Variants in ARB2A observed in about 807,000 individuals in gnomAD.
ARB2A encodes ARB2 cotranscriptional regulator A.
chr5:93,680,163 G>A, the ARB2A span, among the ~76,000 whole-genome samples: 1 of 152,036 alleles, frequency 6.6e-6, no homozygotes, highest in African/African-American at 2.4e-5. Context: ...GGCCTGGAAC[G>A]AAGAGGAAAA....
chr5:93,744,065 G>A, the ARB2A span, among the ~76,000 whole-genome samples: 1 of 152,102 alleles, frequency 6.6e-6, no homozygotes, highest in Non-Finnish European at 1.5e-5. Context: ...GAAAACATGA[G>A]TTCAAATAGA....
chr5:93,784,227 T>C, the ARB2A span: 1 of 594,624 alleles, frequency 1.7e-6, no homozygotes. Context: ...GGGTTTTCTA[T>C]TATTATTTTA....
chr5:93,642,841 G>A, the ARB2A span, among the ~76,000 whole-genome samples: 1 of 152,050 alleles, frequency 6.6e-6, no homozygotes, highest in South Asian at 2.1e-4. Context: ...TTACAAGGAG[G>A]GATACACAAT....
the ARB2A span, among the ~76,000 whole-genome samples, chr5:94,040,365 T>A: frequency 2.6e-5 from 4 of 151,946 alleles, no homozygotes; most frequent in Non-Finnish European, 4.4e-5. Context: ...TTTTTTTTTT[T>A]AATTATATTT....
At chr5:93,913,269 G>C in the ARB2A span, among the ~76,000 whole-genome samples, 1 of 151,778 alleles carries the variant, frequency 6.6e-6, no homozygotes, top group Non-Finnish European at 1.5e-5. Flanking sequence ...ATTTTCTGTC[G>C]GCCAGGAGAA....
the ARB2A span, among the ~76,000 whole-genome samples, chr5:93,940,953 G>C: frequency 5.3e-5 from 8 of 152,036 alleles, no homozygotes; most frequent in Non-Finnish European, 8.8e-5. Flanking sequence ...TTAAAATAAT[G>C]TTTAATATAA....
At chr5:93,671,719 A>C in the ARB2A span, among the ~76,000 whole-genome samples, 6 of 152,164 alleles carry the variant, frequency 3.9e-5, no homozygotes, top group African/African-American at 1.4e-4. Context: ...GATTGGAAAA[A>C]AAAGTTTGGA....
chr5:93,707,276 G>A, the ARB2A span, among the ~76,000 whole-genome samples: 3 of 152,064 alleles, frequency 2.0e-5, no homozygotes, highest in Non-Finnish European at 4.4e-5. Flanking sequence ...TACTTTTCAC[G>A]ATGTCCAAAA....
At chr5:93,940,677 C>G in the ARB2A span, among the ~76,000 whole-genome samples, 1 of 151,950 alleles carries the variant, frequency 6.6e-6, no homozygotes, top group Admixed American at 6.6e-5. Context: ...CTCTTAAGTT[C>G]ACATGTATGA....
the ARB2A span, among the ~76,000 whole-genome samples, chr5:93,757,761 C>G: frequency 2.0e-5 from 3 of 152,064 alleles, no homozygotes; most frequent in Non-Finnish European, 4.4e-5. Flanking sequence ...CACATCAAAA[C>G]AGAACCTCTT....
the ARB2A span, among the ~76,000 whole-genome samples, chr5:93,857,186 G>A: frequency 6.6e-6 from 1 of 151,874 alleles, no homozygotes; most frequent in Non-Finnish European, 1.5e-5. Flanking sequence ...GTGTCAGTCT[G>A]CCCCTACTGG....
chr5:93,779,090 A>AGTGTGTGTGTGTGTGT, the ARB2A span, among the ~76,000 whole-genome samples: 14 of 143,448 alleles, frequency 9.8e-5, no homozygotes, highest in African/African-American at 3.2e-4. Context: ...GTCATTTCAG[A>AGTGTGTGTGTGTGTGT]GTGTGTGTGT....
the ARB2A span, among the ~76,000 whole-genome samples, chr5:93,628,211 C>T: frequency 1.4e-4 from 21 of 151,870 alleles, no homozygotes; most frequent in Admixed American, 5.2e-4. Flanking sequence ...CCACCACGCC[C>T]GGCTAATTTT....
the ARB2A span, among the ~76,000 whole-genome samples, chr5:93,763,017 C>G: frequency 1.3e-5 from 2 of 150,968 alleles, no homozygotes; most frequent in African/African-American, 4.9e-5. Context: ...ATTTTGTCAC[C>G]AACTGCCCTA....
the ARB2A span, among the ~76,000 whole-genome samples, chr5:94,097,363 C>T: frequency 2.0e-5 from 3 of 152,204 alleles, no homozygotes; most frequent in East Asian, 1.9e-4. Context: ...ACCTAACCAT[C>T]GAAGAACTTC....
the ARB2A span, chr5:93,862,435 CTAAACAGACTTT>C: frequency 6.6e-6 from 1 of 152,122 alleles, no homozygotes; most frequent in East Asian, 1.9e-4. Context: ...GAAAACCTTG[CTAAACAGACTTT>C]TATTCAAGCC....
the ARB2A span, among the ~76,000 whole-genome samples, chr5:94,063,652 C>T: frequency 6.6e-6 from 1 of 152,068 alleles, no homozygotes; most frequent in Admixed American, 6.5e-5. Context: ...AACTAGAGCC[C>T]AAGGAATAGC....
At chr5:94,082,210 A>G in the ARB2A span, among the ~76,000 whole-genome samples, 1 of 152,168 alleles carries the variant, frequency 6.6e-6, no homozygotes, top group South Asian at 2.1e-4. Context: ...ACAAATTCCA[A>G]TGAAAACCTG....
the ARB2A span, among the ~76,000 whole-genome samples, chr5:93,819,121 G>C: frequency 7.1e-6 from 1 of 140,872 alleles, no homozygotes; most frequent in Non-Finnish European, 1.5e-5. Context: ...GGGAGGCGGA[G>C]CTTGCAGTGA....
Sources: gnomAD v4.1 joint callset for allele counts (sites outside exome capture counted in the v4.1 genomes callset) on GRCh38, gnomAD v4.1.1 for gene constraint, MANE v1.5 for transcripts, NCBI Gene and HGNC (gene_info 2026-07-23, HGNC 2026-07-21) for gene names.